SCLT1: variants seen among roughly 807,000 people sequenced by gnomAD.
SCLT1 encodes sodium channel and clathrin linker 1.
A neutral mutation model predicts 112.8 loss-of-function variants in SCLT1; 78 were observed. The ratio of observed to expected loss-of-function variants is 0.69; its 90% CI spans 0.58 to 0.83. SCLT1 has a LOEUF of 0.83. SCLT1 is among the 40% of genes least tolerant of loss of function. SCLT1 has a pLI of 0.00. For synonymous variants in SCLT1, 257 were observed against 254.7 expected (o/e 1.01, Z -0.09); for missense variants, 747 against 770.4 (o/e 0.97, Z 0.36).
At chr4:129,049,749 T>C (rs1748579384) in intron 2 of SCLT1, among the ~76,000 whole-genome samples, 1 of 152,068 alleles carries the variant, frequency 6.6e-6, no homozygotes, top group African/African-American at 2.4e-5. Context: ...TTATTTTAAG[T>C]TCTGGGATAC....
rs535840345 is a variant in SCLT1 at position 129,023,569 on chromosome 4, G to A, written c.290+15472C>T. On this transcript the variant is annotated intron_variant, in intron 5 of 20. Coordinates refer to ENST00000281142, the MANE Select transcript of SCLT1 (RefSeq NM_144643.4). The stretch of plus-strand genomic sequence containing the variant: ...CAAAGAGGGTGGAGCCAAGATGGCC[G>A]AATAGGAACAGCTCGGGTCTACAGC... 5.9e-5 allele frequency among the ~76,000 whole-genome samples: 9 copies of A among 152,298 alleles called. No individual in the cohort carries two copies. In the South Asian group the frequency reaches 6.2e-4, roughly 11 times the overall value.
At chr4:129,044,953 T>A (rs1372951048) in intron 2 of SCLT1, among the ~76,000 whole-genome samples, 1 of 151,754 alleles carries the variant, frequency 6.6e-6, no homozygotes, top group East Asian at 1.9e-4. Flanking sequence ...CACAACAGTA[T>A]AACAAACCCA....
At chr4:128,891,992 C>T (rs1219089563) in intron 18 of SCLT1, among the ~76,000 whole-genome samples, 1 of 152,058 alleles carries the variant, frequency 6.6e-6, no homozygotes, top group Admixed American at 6.6e-5. Context: ...TAGGGGAGCT[C>T]AACTCTTAGA....
intron 5 of SCLT1, among the ~76,000 whole-genome samples, chr4:129,007,255 A>G (rs1744110690): frequency 6.6e-6 from 1 of 151,898 alleles, no homozygotes; most frequent in South Asian, 2.1e-4. Flanking sequence ...CCCTTAAGAG[A>G]TTTCTTAATT....
intron 2 of SCLT1, among the ~76,000 whole-genome samples, chr4:129,055,832 CAA>C (rs199992876): frequency 0.088 from 13,176 of 149,146 alleles, 730 homozygotes; most frequent in South Asian, 0.15. Flanking sequence ...AAAAAAAAAA[CAA>C]AAACAAACAA....
chr4:128,874,657 CTA>C (rs1560791367), intron 4 of SCLT1: 1 of 152,562 alleles, frequency 6.6e-6, no homozygotes, highest in African/African-American at 2.4e-5. Flanking sequence ...TGGGAACTCT[CTA>C]TGAGGTGGCC....
chr4:128,956,968 A>AT (rs1739271001), intron 13 of SCLT1, 58 bp downstream of exon 13: 2 of 870,732 alleles, frequency 2.3e-6, no homozygotes, highest in Non-Finnish European at 3.6e-6. Context: ...TTTAGGTAGA[A>AT]TTTAGTCTTT....
At chr4:129,039,893 C>CGCGCGCGCGCGCGT (rs1327305300) in intron 4 of SCLT1, 35 of 244,238 alleles carry the variant, frequency 1.4e-4, no homozygotes, top group African/African-American at 1.4e-3. Flanking sequence ...GGAGAGTGTG[C>CGCGCGCGCGCGCGT]GCGCGCGCAC....
intron 17 of SCLT1, among the ~76,000 whole-genome samples, chr4:128,939,905 A>G (rs1737535234): frequency 6.6e-6 from 1 of 152,188 alleles, no homozygotes; most frequent in Non-Finnish European, 1.5e-5. Context: ...CTATTTTGTC[A>G]AAGAAAGAAT....
intron 2 of SCLT1, among the ~76,000 whole-genome samples, chr4:129,055,531 T>G (rs188733398): frequency 6.6e-6 from 1 of 152,298 alleles, no homozygotes. Context: ...CTGCATTGTG[T>G]TGAGTTCTGC....
intron 5 of SCLT1, among the ~76,000 whole-genome samples, chr4:129,029,651 C>T (rs1458132630): frequency 6.6e-6 from 1 of 151,724 alleles, no homozygotes; most frequent in African/African-American, 2.4e-5. Context: ...ACATTGTGCA[C>T]ATGTACCCTA....
chr4:128,992,116 C>A, intron 9 of SCLT1, 51 bp downstream of exon 9: 1 of 1,258,440 alleles, frequency 7.9e-7, no homozygotes, highest in Non-Finnish European at 1.1e-6. Context: ...ATCAGCTCCC[C>A]TGAAGAAAAA....
intron 8 of SCLT1, chr4:128,997,230 A>G (rs1335941216): frequency 6.6e-6 from 1 of 151,976 alleles, no homozygotes; most frequent in African/African-American, 2.4e-5. Context: ...CCATTGTTAT[A>G]CAAAGACATT....
chr4:129,080,882 G>A (rs1300792210), intron 2 of SCLT1, among the ~76,000 whole-genome samples: 1 of 152,162 alleles, frequency 6.6e-6, no homozygotes, highest in African/African-American at 2.4e-5. Flanking sequence ...CTGTGGGAGA[G>A]AGAGTTTCTG....
chr4:128,930,830 G>A (rs61467458), intron 18 of SCLT1, among the ~76,000 whole-genome samples: 2,647 of 152,202 alleles, frequency 0.017, 63 homozygotes, highest in African/African-American at 0.055. Context: ...GCAAATACCA[G>A]GTAAGATGTA....
chr4:129,084,921 G>A lies in SCLT1; in HGVS notation c.35-2548C>T, dbSNP rs182061809. On this transcript the variant is annotated intron_variant, in intron 1 of 20. Coordinates refer to ENST00000281142, the MANE Select transcript of SCLT1 (RefSeq NM_144643.4). ...TAAAACCCCAAACTATAAAAACCCCGGAAGACAACCTAAGCAACACCATCT... is the reference window on the plus strand; with the variant it reads ...TAAAACCCCAAACTATAAAAACCCCAGAAGACAACCTAAGCAACACCATCT... Among the ~76,000 whole-genome samples, 22 of 152,156 alleles carry A rather than the reference G, an allele frequency of 1.4e-4. No individual in the cohort carries two copies. In the South Asian group the frequency reaches 2.1e-3, roughly 14 times the overall value.
intron 2 of SCLT1, among the ~76,000 whole-genome samples, chr4:129,070,068 G>C (rs1185208209): frequency 6.6e-6 from 1 of 152,094 alleles, no homozygotes; most frequent in Non-Finnish European, 1.5e-5. Flanking sequence ...GTATTGACTT[G>C]CATATGTTAA....
At chr4:129,088,092 G>C (rs796189044) in intron 1 of SCLT1, among the ~76,000 whole-genome samples, 7 of 119,166 alleles carry the variant, frequency 5.9e-5, no homozygotes, top group African/African-American at 2.2e-4. Flanking sequence ...GTCCCAAAAA[G>C]AAAAAAAAAA....
intron 18 of SCLT1, among the ~76,000 whole-genome samples, chr4:128,902,661 T>G (rs1734411954): frequency 6.6e-6 from 1 of 152,160 alleles, no homozygotes; most frequent in Admixed American, 6.5e-5. Context: ...GGACATTACT[T>G]TACACTTCTG....
Sources: gnomAD v4.1 joint callset for allele counts (sites outside exome capture counted in the v4.1 genomes callset) on GRCh38, gnomAD v4.1.1 for gene constraint, MANE v1.5 for transcripts, NCBI Gene and HGNC (gene_info 2026-07-23, HGNC 2026-07-21) for gene names.